The following RAP1GAP variants were observed in gnomAD, a reference collection of about 807,000 sequenced individuals.
RAP1GAP encodes the protein RAP1 GTPase activating protein, also known as rap1 GTPase-activating protein 1.
RAP1GAP carries 35 observed loss-of-function variants against 87.2 expected under a neutral mutation model. The ratio of observed to expected loss-of-function variants is 0.40; its 90% CI spans 0.31 to 0.53. The LOEUF (loss-of-function observed/expected upper bound fraction) is 0.53. Among genes scored for constraint, RAP1GAP ranks in the 20% least tolerant of loss-of-function variants. The pLI is 0.48. For synonymous variants in RAP1GAP, 375 were observed against 363.9 expected, an observed-to-expected ratio of 1.03 and a Z score of -0.35; for missense variants, 734 against 898.9, an observed-to-expected ratio of 0.82 and a Z score of 2.35.
At chr1:21,605,128 A>T (rs2073468449) in intron 18 of RAP1GAP, among the ~76,000 whole-genome samples, 1 of 152,090 alleles carries the variant, frequency 6.6e-6, no homozygotes, top group South Asian at 2.1e-4. Flanking sequence ...GGTGGCCACT[A>T]GGCAGTGGAC....
chr1:21,619,107 G>A, intron 4 of RAP1GAP, 35 bp from the exon 5 acceptor site: 1 of 1,571,508 alleles, frequency 6.4e-7, no homozygotes, highest in Non-Finnish European at 8.6e-7. Context: ...CACCCTCCCA[G>A]GCCTGCCGCC....
chr1:21,643,205 G>A (rs1397346597), intron 2 of RAP1GAP, among the ~76,000 whole-genome samples: 1 of 152,178 alleles, frequency 6.6e-6, no homozygotes, highest in African/African-American at 2.4e-5. Context: ...TTTGCTGAAT[G>A]AATGAATTTT....
chr1:21,651,256 A>G, intron 1 of RAP1GAP: 1 of 369,716 alleles, frequency 2.7e-6, no homozygotes, highest in South Asian at 2.0e-5. Flanking sequence ...CCTGGTGCCC[A>G]GGGTGGGCAG....
intron 3 of RAP1GAP, among the ~76,000 whole-genome samples, 159 bp downstream of exon 3, chr1:21,626,145 G>C (rs2091939004): frequency 1.3e-5 from 2 of 152,146 alleles, no homozygotes; most frequent in South Asian, 4.1e-4. Flanking sequence ...CCTCACCCCG[G>C]GCTCAGGAGT....
intron 2 of RAP1GAP, among the ~76,000 whole-genome samples, chr1:21,627,402 C>CCTT (rs202242956): frequency 0.043 from 5,934 of 138,724 alleles, 315 homozygotes; most frequent in East Asian, 0.059. Context: ...TGTGAGCCTC[C>CCTT]CTTCTTCTTT....
intron 18 of RAP1GAP, among the ~76,000 whole-genome samples, chr1:21,604,304 G>A (rs568120542): frequency 9.0e-4 from 137 of 151,644 alleles, no homozygotes; most frequent in Middle Eastern, 3.4e-3. Flanking sequence ...AGGAAAAAGC[G>A]AGGGTGAGAA....
intron 2 of RAP1GAP, among the ~76,000 whole-genome samples, chr1:21,642,623 T>TG (rs1368097101): frequency 8.5e-5 from 13 of 152,160 alleles, no homozygotes; most frequent in African/African-American, 2.9e-4. Context: ...GGGAGGAGGA[T>TG]GGGCGACTGG....
Position 21,669,230 on chromosome 1 carries a change from G to A in RAP1GAP, c.-149+24C>T, listed in dbSNP as rs1379786905. 3 of 1,251,692 alleles carry A rather than the reference G, an allele frequency of 2.4e-6. No homozygotes were observed. The highest frequency in any genetic ancestry group is 2.5e-5 in the Admixed American group (1 of 39,374). The allele number at this position is 1,251,692 out of a possible 1,614,324, so 77.5% of individuals were successfully genotyped here. On this transcript the variant is annotated intron_variant, in intron 1 of 24. Transcript: ENST00000374765. The surrounding 1 kb of genome is among the most constrained non-coding windows in gnomAD (Gnocchi z 5.6). ...CTGTCCCCTTCCCCTTTCCAGGGCC[G>A]CAGCCCTGGCGGGGCGCACTCACCC...
At chr1:21,617,665 C>G (rs1450737219) in intron 6 of RAP1GAP, among the ~76,000 whole-genome samples, 174 bp from the exon 7 acceptor site, 1 of 152,214 alleles carries the variant, frequency 6.6e-6, no homozygotes, top group Non-Finnish European at 1.5e-5. Flanking sequence ...TCAGCCAGAC[C>G]CAGACAGCGC....
intron 13 of RAP1GAP, among the ~76,000 whole-genome samples, chr1:21,611,168 C>G (rs534556055): frequency 1.3e-5 from 2 of 152,340 alleles, no homozygotes; most frequent in African/African-American, 4.8e-5. Context: ...CCCCATAAAA[C>G]ACCAGCTCAG....
intron 3 of RAP1GAP, among the ~76,000 whole-genome samples, chr1:21,625,877 A>G (rs756103844): frequency 1.3e-5 from 2 of 152,152 alleles, no homozygotes; most frequent in Non-Finnish European, 2.9e-5. Flanking sequence ...GCTCGTTGAC[A>G]GGGCTCTTGC....
chr1:21,620,460 C>A (rs1006198964), intron 3 of RAP1GAP, among the ~76,000 whole-genome samples: 2 of 152,238 alleles, frequency 1.3e-5, no homozygotes, highest in African/African-American at 4.8e-5. Flanking sequence ...CAGGCCACAG[C>A]CCACTGCTCA....
intron 1 of RAP1GAP, among the ~76,000 whole-genome samples, chr1:21,661,267 A>C (rs878859058): frequency 1.3e-4 from 20 of 148,416 alleles, no homozygotes; most frequent in African/African-American, 4.8e-4. Flanking sequence ...AAAAAAAAAA[A>C]GGAGGGAGAC....
At chr1:21,630,361 TAG>T (rs2093486243) in intron 2 of RAP1GAP, among the ~76,000 whole-genome samples, 1 of 151,608 alleles carries the variant, frequency 6.6e-6, no homozygotes, top group South Asian at 2.1e-4. Flanking sequence ...CTTAAACTCC[TAG>T]GCTCAAGCCA....
intron 2 of RAP1GAP, among the ~76,000 whole-genome samples, chr1:21,646,596 G>A (rs1311329672): frequency 6.6e-6 from 1 of 152,184 alleles, no homozygotes; most frequent in East Asian, 1.9e-4. Flanking sequence ...CCACCTCCCA[G>A]GCTCCTAGTT....
At chr1:21,612,229 A>G in intron 10 of RAP1GAP, 120 bp from the exon 11 acceptor site, 1 of 792,604 alleles carries the variant, frequency 1.3e-6, no homozygotes, top group Non-Finnish European at 2.1e-6. Context: ...TGATTCTCAG[A>G]ACAAGCCTGG....
At chr1:21,599,979 C>T (rs552218855) in intron 20 of RAP1GAP, among the ~76,000 whole-genome samples, 1 of 152,336 alleles carries the variant, frequency 6.6e-6, no homozygotes, top group Admixed American at 6.5e-5. Flanking sequence ...CACTGCTCTA[C>T]GTGCCTTTAC....
At chr1:21,662,004 G>C (rs1210772966) in intron 1 of RAP1GAP, among the ~76,000 whole-genome samples, 2 of 152,214 alleles carry the variant, frequency 1.3e-5, no homozygotes, top group African/African-American at 2.4e-5. Context: ...GTGTTCCCGT[G>C]ACAGGGAGGA....
Position 21,596,592 on chromosome 1 carries a change from T to TC in RAP1GAP, c.*706dup, listed in dbSNP as rs1301662373. 1.3e-5 allele frequency: 2 copies of TC among 152,228 alleles called. No individual in the cohort carries two copies. The highest frequency in any genetic ancestry group is 2.9e-5 in the Non-Finnish European group (2 of 68,148). 9.4% of individuals were successfully genotyped at this position (152,228 alleles called of 1,614,324 possible). On this transcript the variant is annotated 3_prime_UTR_variant, in exon 25 of 25. Transcript: ENST00000374765. Reference sequence around the variant, plus strand: ...GCAGACCTGTGGCAGAACTGGAGGGTCCAGGAGGCATACTGGGCACAGCCG... The same window carrying TC: ...GCAGACCTGTGGCAGAACTGGAGGGTCCCAGGAGGCATACTGGGCACAGCCG...
Sources: gnomAD v4.1 joint callset for allele counts (sites outside exome capture counted in the v4.1 genomes callset) on GRCh38, gnomAD v4.1.1 for gene constraint, Gnocchi (gnomAD v3.1) non-coding constraint, MANE v1.5 for transcripts, NCBI Gene and HGNC (gene_info 2026-07-23, HGNC 2026-07-21) for gene names.